The following VPS13C variants were observed in gnomAD, a reference collection of about 807,000 sequenced individuals.
VPS13C encodes intermembrane lipid transfer protein VPS13C.
VPS13C carries 358 observed loss-of-function variants against 456.8 expected under a neutral mutation model. The observed-to-expected ratio is 0.78, with a 90% CI of 0.72 to 0.86. The LOEUF (loss-of-function observed/expected upper bound fraction) is 0.86, where lower values mean the gene tolerates loss of function less well. VPS13C is among the 40% of genes least tolerant of loss of function. VPS13C has a pLI of 0.00. For missense variants in VPS13C, 4,818 were observed against 4,385.4 expected (o/e 1.10, Z -2.79); for synonymous variants, 1,578 against 1,486.7 (o/e 1.06, Z -1.41).
intron 52 of VPS13C, among the ~76,000 whole-genome samples, chr15:61,926,064 C>T (rs1239074522): frequency 6.6e-6 from 1 of 152,098 alleles, no homozygotes; most frequent in Non-Finnish European, 1.5e-5. Context: ...TGTACCTGAA[C>T]TGAATGGAGC....
chr15:61,987,112 T>C (rs1429996722), intron 18 of VPS13C, among the ~76,000 whole-genome samples: 1 of 152,018 alleles, frequency 6.6e-6, no homozygotes, highest in African/African-American at 2.4e-5. Flanking sequence ...AGATTCAATG[T>C]AATCTCTAAC....
At chr15:62,055,562 A>C (rs1194211270) in intron 1 of VPS13C, among the ~76,000 whole-genome samples, 8 of 151,488 alleles carry the variant, frequency 5.3e-5, no homozygotes, top group Admixed American at 5.3e-4. Flanking sequence ...TTTAATTGTA[A>C]ATTTCATTAT....
intron 6 of VPS13C, 75 bp downstream of exon 6, chr15:62,028,283 T>C: frequency 6.7e-7 from 1 of 1,498,712 alleles, no homozygotes; most frequent in Non-Finnish European, 9.2e-7. Context: ...TGCCATCAAA[T>C]GGACTCCACC....
intron 15 of VPS13C, among the ~76,000 whole-genome samples, chr15:62,001,327 C>T (rs367834808): frequency 3.3e-5 from 5 of 152,202 alleles, no homozygotes; most frequent in African/African-American, 7.2e-5. Flanking sequence ...CCAATAACTA[C>T]GCTTTTTCTA....
Position 61,940,527 on chromosome 15 carries a change from C to A in VPS13C, c.5601+120G>T, listed in dbSNP as rs2044383959. 1.1e-5 allele frequency: 10 copies of A among 937,262 alleles called. No homozygotes were observed. The South Asian group carries it at 3.0e-4, about 28-fold the overall frequency. The allele number at this position is 937,262 out of a possible 1,614,324, so 58.1% of individuals were successfully genotyped here. On this transcript the variant is annotated intron_variant, in intron 47 of 84. Coordinates refer to ENST00000644861, the MANE Select transcript of VPS13C (RefSeq NM_020821.3). ...CAGACAAATGCTCACTAAGAGAAAA[C>A]TGGTTTAGCTTTATCAATAACGTAG...
intron 27 of VPS13C, among the ~76,000 whole-genome samples, chr15:61,971,697 AAAGG>A (rs1024809227): frequency 6.6e-6 from 1 of 152,228 alleles, no homozygotes; most frequent in African/African-American, 2.4e-5. Flanking sequence ...GTAGCAGCAG[AAAGG>A]AAGAGCAATC....
At chr15:62,059,739 T>G (rs994531121) in intron 1 of VPS13C, among the ~76,000 whole-genome samples, 4 of 152,190 alleles carry the variant, frequency 2.6e-5, no homozygotes, top group African/African-American at 9.7e-5. Flanking sequence ...CACACGCCTA[T>G]CTTAAAGATC....
chr15:62,050,418 A>C (rs2048578115), intron 1 of VPS13C, among the ~76,000 whole-genome samples: 3 of 152,254 alleles, frequency 2.0e-5, no homozygotes, highest in Admixed American at 6.5e-5. Flanking sequence ...TCTCATTAAT[A>C]AACTACATAT....
At chr15:61,936,804 T>C (rs2044242250) in intron 47 of VPS13C, 54 bp from the exon 48 acceptor site, 1 of 1,499,104 alleles carries the variant, frequency 6.7e-7, no homozygotes, top group Non-Finnish European at 9.0e-7. Context: ...ATGTAGACTA[T>C]CATATCTATA....
rs1428547394 is a variant in VPS13C, at chr15:61,949,571, A to G, written c.4631T>C (p.Leu1544Ser). The change falls in exon 42 of 85, where the codon TTG (leucine) becomes TCG (serine). Residue 1544 changes from leucine to serine, a missense_variant. Leu to Ser is a moderately radical substitution (Grantham distance 145). Around this residue, in one of 3 missense-constraint regions of VPS13C, gnomAD observed 4,552 missense variants for 4,130.6 expected, o/e 1.10. Transcript: ENST00000644861. ...ATCCATGAAGGAAAGTAAAGCTTCC[A>G]AATGAAGTACTAAGTCTAAGGATGC... ...SFASLDLVLH[L>S]EALLSFMDFL... 6.2e-7 allele frequency: 1 copy of G among 1,611,460 alleles called. No homozygotes were observed. The highest frequency in any genetic ancestry group is 2.2e-5 in the East Asian group (1 of 44,852).
intron 66 of VPS13C, among the ~76,000 whole-genome samples, chr15:61,892,675 GAC>G: frequency 6.6e-6 from 1 of 152,316 alleles, no homozygotes; most frequent in South Asian, 2.1e-4. Flanking sequence ...ACTCTGATAA[GAC>G]AGCCACGTGT....
At chr15:61,986,223 G>A (rs1286841560) in intron 18 of VPS13C, among the ~76,000 whole-genome samples, 1 of 150,796 alleles carries the variant, frequency 6.6e-6, no homozygotes, top group Non-Finnish European at 1.5e-5. Flanking sequence ...AGGCGCTCTA[G>A]ACATCAAGTG....
Position 62,037,563 on chromosome 15 carries a change from A to G in VPS13C, c.188-2511T>C, listed in dbSNP as rs182191724. 6.2e-5 allele frequency among the ~76,000 whole-genome samples: 8 copies of G among 129,438 alleles called. 1 individual carries two copies. In the Admixed American group the frequency reaches 6.4e-4, roughly 10 times the overall value. The allele number at this position is 129,438 out of a possible 152,430, so 84.9% of individuals were successfully genotyped here. ...TTCTTTAGTCAGCTATAATTGATCT[A>G]AGACACTGGAAATACAATTTCAATC... On this transcript the variant is annotated intron_variant, in intron 3 of 84. Coordinates refer to ENST00000644861, the MANE Select transcript of VPS13C (RefSeq NM_020821.3).
intron 66 of VPS13C, among the ~76,000 whole-genome samples, chr15:61,891,837 A>G (rs1434977506): frequency 6.6e-6 from 1 of 152,240 alleles, no homozygotes; most frequent in African/African-American, 2.4e-5. Context: ...AAAACCAAAC[A>G]TAAACTTCTA....
chr15:61,951,073 C>A, intron 39 of VPS13C, 49 bp from the exon 40 acceptor site: 1 of 1,254,894 alleles, frequency 8.0e-7, no homozygotes, highest in African/African-American at 1.5e-5. Flanking sequence ...ACATTTCACA[C>A]ATTTTAAAAC....
chr15:62,046,336 ATAAAG>A (rs893241222), intron 1 of VPS13C, among the ~76,000 whole-genome samples: 9 of 152,218 alleles, frequency 5.9e-5, no homozygotes, highest in African/African-American at 2.2e-4. Context: ...TGCAGGAGTA[ATAAAG>A]TAGTCATGGA....
chr15:62,046,340 AG>A (rs1346715230), intron 1 of VPS13C, among the ~76,000 whole-genome samples: 1 of 152,226 alleles, frequency 6.6e-6, no homozygotes, highest in African/African-American at 2.4e-5. Context: ...GGAGTAATAA[AG>A]TAGTCATGGA....
In VPS13C at chr15:61,913,427, A is replaced by G; in HGVS notation, c.8446-12T>C. On this transcript the variant is annotated splice_polypyrimidine_tract_variant and intron_variant, in intron 61 of 84. Transcript: ENST00000644861. ...ATTTTTAATTGTACCTATACCAGAG[A>G]GCACATATCGTCATATAAGAAATCT... 2 of 1,599,934 alleles carry G rather than the reference A, an allele frequency of 1.3e-6. No individual in the cohort carries two copies. Among genetic ancestry groups the G allele is most frequent in the Non-Finnish European group, 1.7e-6 (2 of 1,167,896 alleles).
intron 9 of VPS13C, among the ~76,000 whole-genome samples, chr15:62,017,337 G>A (rs2140542869): frequency 6.6e-6 from 1 of 152,196 alleles, no homozygotes; most frequent in South Asian, 2.1e-4. Flanking sequence ...TGCTTTTGGT[G>A]TTTTAGACAT....
Sources: allele counts gnomAD v4.1 joint callset (sites outside exome capture counted in the v4.1 genomes callset), GRCh38; gene constraint gnomAD v4.1.1; regional missense constraint gnomAD v4.1.1; transcripts MANE v1.5; gene names NCBI Gene and HGNC (gene_info 2026-07-23, HGNC 2026-07-21).